Variants in PCDHA2 observed in about 807,000 individuals in gnomAD.
PCDHA2 encodes protocadherin alpha 2.
In PCDHA2, 58 loss-of-function variants were observed where a neutral mutation model predicts 66.0. That is an observed-to-expected ratio of 0.88 (90% confidence interval 0.71 to 1.09). PCDHA2 has a LOEUF of 1.09. Among genes scored for constraint, PCDHA2 ranks in the 50% least tolerant of loss-of-function variants. The pLI is 0.00. For synonymous variants in PCDHA2, 634 were observed against 554.0 expected (o/e 1.14, Z -2.03); for missense variants, 1,267 against 1,242.3 (o/e 1.02, Z -0.30).
chr5:140,875,632 C>G, intron 1 of PCDHA2: 1 of 1,613,710 alleles, frequency 6.2e-7, no homozygotes, highest in Non-Finnish European at 8.5e-7. Flanking sequence ...GGACCTGGGG[C>G]TGGAGCTGGC....
chr5:140,958,035 T>G (rs1284725890), intron 1 of PCDHA2, among the ~76,000 whole-genome samples: 2 of 152,120 alleles, frequency 1.3e-5, no homozygotes, highest in African/African-American at 4.8e-5. Context: ...ATGCTTTCTT[T>G]GCTTGTGATA....
chr5:140,983,308 T>C (rs2153831139), intron 3 of PCDHA2, among the ~76,000 whole-genome samples: 1 of 152,322 alleles, frequency 6.6e-6, no homozygotes, highest in East Asian at 1.9e-4. Context: ...CACATTTGCT[T>C]GGTATCCTTA....
chr5:140,835,776 AAGG>A (rs1266986197), intron 1 of PCDHA2: 2 of 1,613,090 alleles, frequency 1.2e-6, no homozygotes, highest in South Asian at 1.1e-5. Flanking sequence ...GGTGTTCGTG[AAGG>A]AGAACAACCC....
intron 1 of PCDHA2, among the ~76,000 whole-genome samples, chr5:140,947,889 A>G (rs1275614644): frequency 1.3e-5 from 2 of 151,626 alleles, no homozygotes; most frequent in Non-Finnish European, 3.0e-5. Flanking sequence ...CAATATAAAC[A>G]GAAGTGGTGA....
chr5:140,873,149 T>C (rs2054128037), intron 1 of PCDHA2, among the ~76,000 whole-genome samples: 1 of 152,218 alleles, frequency 6.6e-6, no homozygotes, highest in Non-Finnish European at 1.5e-5. Flanking sequence ...AGCCTATTCA[T>C]AGACTTTAGA....
At chr5:140,808,128 A>T (rs1554124423) in intron 1 of PCDHA2, 2 of 1,614,078 alleles carry the variant, frequency 1.2e-6, no homozygotes, top group South Asian at 2.2e-5. Context: ...GAAGAAAGCA[A>T]ATCCTATGAA....
At chr5:140,848,202 C>T in intron 1 of PCDHA2, 1 of 328,080 alleles carries the variant, frequency 3.0e-6, no homozygotes, top group South Asian at 5.4e-5. Flanking sequence ...TTTCAACAAT[C>T]ATTACTTAAG....
At chr5:140,842,748 C>T (rs149941021) in intron 1 of PCDHA2, 2 of 1,595,020 alleles carry the variant, frequency 1.3e-6, no homozygotes, top group East Asian at 2.2e-5. Flanking sequence ...CACATCTTCA[C>T]GGTGTCTGCG....
rs1415621431 is a variant in PCDHA2, at chr5:140,835,028, C to T, written c.2388+37676C>T. On this transcript the variant is annotated intron_variant, in intron 1 of 3. Transcript: ENST00000526136. The stretch of plus-strand genomic sequence containing the variant: ...AGCTTCATTTATTGCTCACGGCCAC[C>T]GATGGAGGCAAACCCGAGCTGACTG... 1.7e-5 allele frequency: 22 copies of T among 1,326,496 alleles called. No individual in the cohort carries two copies. The African/African-American group carries it at 3.2e-4, about 19-fold the overall frequency. The allele number at this position is 1,326,496 out of a possible 1,614,324, so 82.2% of individuals were successfully genotyped here.
chr5:140,804,691 C>T (rs1763441915), intron 1 of PCDHA2: 1 of 163,914 alleles, frequency 6.1e-6, no homozygotes, highest in Non-Finnish European at 1.3e-5. Flanking sequence ...TAACCAGAAC[C>T]AAATGAAATT....
chr5:140,803,044 G>A, intron 1 of PCDHA2: 2 of 1,614,028 alleles, frequency 1.2e-6, no homozygotes, highest in Non-Finnish European at 1.7e-6. Context: ...CCTGGGACCG[G>A]CGGTGCGCGC....
chr5:140,951,583 C>T (rs939168963), intron 1 of PCDHA2, among the ~76,000 whole-genome samples: 3 of 152,034 alleles, frequency 2.0e-5, no homozygotes, highest in Non-Finnish European at 4.4e-5. Flanking sequence ...CCAGATTTCA[C>T]GAGATCTCTC....
chr5:140,892,733 C>G lies in PCDHA2; in HGVS notation c.2389-86216C>G, dbSNP rs183181952. Reference sequence around the variant, plus strand: ...CATATTCATAATCTCAAACATTTACCATTTTTGCATGGTGAACATTTAAAA... The same window carrying G: ...CATATTCATAATCTCAAACATTTACGATTTTTGCATGGTGAACATTTAAAA... On this transcript the variant is annotated intron_variant, in intron 1 of 3. Coordinates refer to ENST00000526136, the MANE Select transcript of PCDHA2 (RefSeq NM_018905.3). Among the ~76,000 whole-genome samples the G allele has an allele frequency of 8.1e-4, 123 of 152,172 alleles. No individual in the cohort carries two copies. In the Middle Eastern group the frequency reaches 0.02, roughly 25 times the overall value.
At chr5:140,842,578 G>T in intron 1 of PCDHA2, 2 of 1,515,278 alleles carry the variant, frequency 1.3e-6, no homozygotes, top group Non-Finnish European at 1.8e-6. Context: ...AGAGAGTGTC[G>T]GCCTATGAGT....
At position 140,796,491 on chromosome 5, in the gene PCDHA2, G is replaced by T; in HGVS notation, c.1527G>T (p.Ser509=). The change falls in exon 1 of 4, where the codon TCG becomes TCT. Residue 509 remains serine (S), a synonymous_variant. Coordinates refer to ENST00000526136, the MANE Select transcript of PCDHA2 (RefSeq NM_018905.3). ...AGCGCGCGTTGTCGAGCTACGTTTC[G>T]GTGCACGCGGAGAGCGGCAAGGTGT... The part of the protein sequence containing the change: ...VGERALSSYV[S]VHAESGKVYA... 6.2e-7 allele frequency: 1 copy of T among 1,612,282 alleles called. No individual in the cohort carries two copies.
Position 140,795,870 on chromosome 5 carries a change from C to A in PCDHA2, c.906C>A (p.Ile302=), listed in dbSNP as rs1373604983. The A allele has an allele frequency of 3.7e-6, 6 of 1,613,836 alleles. No individual in the cohort carries two copies. The highest frequency in any genetic ancestry group is 5.1e-6 in the Non-Finnish European group (6 of 1,180,004). ...CCATAGATCCCATCTCAGGGGAAAT[C>A]AGAACTAAGGGAAAATTAGATTATG... ...KFTIDPISGE[I]RTKGKLDYEE... The change falls in exon 1 of 4, where the codon ATC becomes ATA. Residue 302 remains isoleucine (I), a synonymous_variant. Transcript: ENST00000526136.
chr5:140,802,932 G>T, intron 1 of PCDHA2: 3 of 1,613,832 alleles, frequency 1.9e-6, no homozygotes, highest in Non-Finnish European at 2.5e-6. Flanking sequence ...CGCAGTGAGC[G>T]AGCTGGTGCC....
At chr5:140,920,000 A>T (rs1486623735) in intron 1 of PCDHA2, among the ~76,000 whole-genome samples, 1 of 152,178 alleles carries the variant, frequency 6.6e-6, no homozygotes, top group Non-Finnish European at 1.5e-5. Flanking sequence ...GACACAGAGG[A>T]AAAGGCCATG....
chr5:140,831,527 T>A (rs2150196038), intron 1 of PCDHA2, among the ~76,000 whole-genome samples: 12 of 148,212 alleles, frequency 8.1e-5, no homozygotes, highest in Non-Finnish European at 1.8e-4. Context: ...CACCTTTTTT[T>A]TTTTTTTTTT....
Sources: gnomAD v4.1 joint callset for allele counts (sites outside exome capture counted in the v4.1 genomes callset) on GRCh38, gnomAD v4.1.1 for gene constraint, MANE v1.5 for transcripts, NCBI Gene and HGNC (gene_info 2026-07-23, HGNC 2026-07-21) for gene names.